Variants in CSF1 observed in about 807,000 individuals in gnomAD.
CSF1 encodes colony stimulating factor 1.
In CSF1, 9 loss-of-function variants were observed where a neutral mutation model predicts 48.9. That is an observed-to-expected ratio of 0.18 (90% CI 0.11 to 0.32). The LOEUF (loss-of-function observed/expected upper bound fraction) is 0.32, where lower values mean the gene tolerates loss of function less well. Among genes scored for constraint, CSF1 ranks in the 10% least tolerant of loss-of-function variants. The pLI, the probability that CSF1 is intolerant of heterozygous loss-of-function variation, is 1.00. For missense variants in CSF1, 672 were observed against 697.9 expected, an observed-to-expected ratio of 0.96 and a Z score of 0.42; for synonymous variants, 305 against 284.1, an observed-to-expected ratio of 1.07 and a Z score of -0.74.
rs1648000732 is a variant in CSF1, at chr1:109,929,960, G to GT, written c.*1122_*1123insT. 1 of 152,590 alleles carries GT rather than the reference G, an allele frequency of 6.6e-6. No individual in the cohort carries two copies. Among genetic ancestry groups the GT allele is most frequent in the African/African-American group, 2.4e-5 (1 of 41,442 alleles). The allele number at this position is 152,590 out of a possible 1,614,324, so 9.5% of individuals were successfully genotyped here. ...AGTGGGAGAGAGCAAGGGAGGGGAG[G>GT]GCACAGACAGAGAGGCTACAGGGCG... On this transcript the variant is annotated 3_prime_UTR_variant, in exon 9 of 9. Transcript: ENST00000329608.
At chr1:109,918,381 A>G (rs1647349681) in intron 4 of CSF1, among the ~76,000 whole-genome samples, 1 of 152,204 alleles carries the variant, frequency 6.6e-6, no homozygotes, top group South Asian at 2.1e-4. Flanking sequence ...GTGAACAGGC[A>G]TGTGGCTTAA....
rs1647635878 is a variant in CSF1, at chr1:109,923,053, G to A, written c.545-113G>A. On this transcript the variant is annotated intron_variant, in intron 5 of 8. Transcript: ENST00000329608. ...CCCCAGGGCTGAGCTAGGAGATGAGGGCCCCCCAGACTCACATTCCCCTCT... is the reference window on the plus strand; with the variant it reads ...CCCCAGGGCTGAGCTAGGAGATGAGAGCCCCCCAGACTCACATTCCCCTCT... The A allele has an allele frequency of 6.7e-6, 7 of 1,041,012 alleles. 1 individual carries two copies. In the South Asian group the frequency reaches 1.1e-4, roughly 16 times the overall value. 64.5% of individuals were successfully genotyped at this position (1,041,012 alleles called of 1,614,324 possible).
At chr1:109,919,080 G>T (rs902618358) in intron 4 of CSF1, among the ~76,000 whole-genome samples, 1 of 152,170 alleles carries the variant, frequency 6.6e-6, no homozygotes, top group Non-Finnish European at 1.5e-5. Context: ...GGCTAAAATT[G>T]TCCATTGGAT....
intron 1 of CSF1, among the ~76,000 whole-genome samples, chr1:109,912,584 C>G (rs545313089): frequency 6.6e-6 from 1 of 152,302 alleles, no homozygotes; most frequent in South Asian, 2.1e-4. Context: ...GCTGCACTTT[C>G]CCCACACTGA....
In CSF1 at chr1:109,915,047, G is replaced by A. The variant is rs1053057020; in HGVS notation, c.163-587G>A. On this transcript the variant is annotated intron_variant, in intron 2 of 8. Transcript: ENST00000329608. ...CCTCTGGCCAGCCAGGCAGGGTGGG[G>A]CATCACTGGCTAACGCCAGCTCCAG... 2.0e-5 allele frequency among the ~76,000 whole-genome samples: 3 copies of A among 152,158 alleles called. No individual in the cohort carries two copies. The South Asian group carries it at 6.2e-4, about 31-fold the overall frequency.
At chr1:109,910,595 T>C (rs1243600608), upstream of CSF1, 6 of 266,572 alleles carry the variant, frequency 2.3e-5, no homozygotes, top group Non-Finnish European at 4.8e-5. Context: ...CCGCGCTCGT[T>C]TGCTGAAGGC....
intron 2 of CSF1, among the ~76,000 whole-genome samples, chr1:109,915,139 A>G (rs1159784995): frequency 3.9e-5 from 6 of 152,248 alleles, no homozygotes; most frequent in Admixed American, 1.3e-4. Context: ...CTTCTCCTGT[A>G]TGTAGTTGCT....
At chr1:109,911,187 C>T (rs759260487) in intron 1 of CSF1, 125 bp downstream of exon 1, 33 of 568,922 alleles carry the variant, frequency 5.8e-5, no homozygotes, top group Non-Finnish European at 7.4e-5. Context: ...CCGGCGTTCC[C>T]GCCGCGGACG....
chr1:109,913,239 G>T (rs1654766474), intron 1 of CSF1, among the ~76,000 whole-genome samples: 1 of 152,244 alleles, frequency 6.6e-6, no homozygotes, highest in Non-Finnish European at 1.5e-5. Context: ...GTCCAGGATA[G>T]TGTCAACCTT....
chr1:109,924,144 T>A lies in CSF1; in HGVS notation c.1523T>A (p.Val508Asp). The A allele has an allele frequency of 6.2e-7, 1 of 1,613,776 alleles. No individual in the cohort carries two copies. The highest frequency in any genetic ancestry group is 8.5e-7 in the Non-Finnish European group (1 of 1,179,870). ...FHLLVPSVIL[V>D]LLAVGGLLFY... ...CTGCTGGTGCCCAGTGTCATCCTGGTCTTGCTGGCCGTCGGAGGCCTCTTG... is the reference window on the plus strand; with the variant it reads ...CTGCTGGTGCCCAGTGTCATCCTGGACTTGCTGGCCGTCGGAGGCCTCTTG... The change falls in exon 6 of 9, where the codon GTC becomes GAC. Residue 508 changes from valine (V) to aspartate (D), a missense_variant. Val to Asp is a radical substitution (Grantham distance 152). Transcript: ENST00000329608.
chr1:109,925,305 A>G, intron 8 of CSF1, 103 bp downstream of exon 8: 1 of 919,180 alleles, frequency 1.1e-6, no homozygotes, highest in East Asian at 2.5e-5. Context: ...CCCCACACTG[A>G]CTCCCATGCC....
At position 109,924,100 on chromosome 1, in the gene CSF1, C is replaced by T; in HGVS notation, c.1479C>T (p.Leu493=). The T allele has an allele frequency of 6.2e-7, 1 of 1,614,204 alleles. No individual in the cohort carries two copies. The highest frequency in any genetic ancestry group is 1.6e-4 in the Middle Eastern group (1 of 6,062). The part of the protein sequence containing the change: ...RQSEGSFSPQ[L]QESVFHLLVP... Reference sequence around the variant, plus strand: ...CCGAGGGATCCTTCAGCCCGCAGCTCCAGGAGTCTGTCTTCCACCTGCTGG... The same window carrying T: ...CCGAGGGATCCTTCAGCCCGCAGCTTCAGGAGTCTGTCTTCCACCTGCTGG... The change falls in exon 6 of 9, where the codon CTC becomes CTT. Residue 493 remains leucine, a synonymous_variant. Transcript: ENST00000329608.
chr1:109,919,740 C>G (rs1353631108), intron 4 of CSF1, among the ~76,000 whole-genome samples: 1 of 150,554 alleles, frequency 6.6e-6, no homozygotes, highest in African/African-American at 2.4e-5. Flanking sequence ...CAGTGGATCA[C>G]CTGAGGTCAG....
intron 5 of CSF1, 79 bp from the exon 6 acceptor site, chr1:109,923,087 T>C: frequency 7.2e-7 from 1 of 1,393,018 alleles, no homozygotes; most frequent in Non-Finnish European, 9.7e-7. Context: ...CTTGCCCCGC[T>C]CTGGGAAAGC....
At chr1:109,922,193 A>C in intron 5 of CSF1, 199 bp downstream of exon 5, 1 of 457,174 alleles carries the variant, frequency 2.2e-6, no homozygotes, top group African/African-American at 2.0e-5. Context: ...CTTTTCTGAC[A>C]TGTGTGTGCA....
chr1:109,927,580 T>C (rs1647898445), intron 8 of CSF1, among the ~76,000 whole-genome samples: 1 of 152,142 alleles, frequency 6.6e-6, no homozygotes, highest in Non-Finnish European at 1.5e-5. Flanking sequence ...ACTTGCTTAT[T>C]CTCAGGCCCG....
chr1:109,917,179 TG>T, intron 3 of CSF1, 113 bp from the exon 4 acceptor site: 1 of 1,085,000 alleles, frequency 9.2e-7, no homozygotes, highest in Non-Finnish European at 1.3e-6. Flanking sequence ...TGGCATGGTG[TG>T]GTCCCTCCCC....
At chr1:109,925,410 A>C (rs1570802992) in intron 8 of CSF1, among the ~76,000 whole-genome samples, 6 of 147,640 alleles carry the variant, frequency 4.1e-5, no homozygotes, top group Admixed American at 6.7e-5. Context: ...CATTCCATCC[A>C]CCCCCGCTGA....
Position 109,923,622 on chromosome 1 carries a change from A to T in CSF1, c.1001A>T (p.Gln334Leu). ...TCCAGGCCAGGAGGGGGCAGCATGC[A>T]GACAGAGCCCGCCAGACCCAGCAAC... ...SPSRPGGGSMQTEPARPSNFL... is the reference protein window; with the variant it reads ...SPSRPGGGSMLTEPARPSNFL... Residue 334 changes from glutamine to leucine, a missense_variant, in exon 6 of 9, where the codon CAG (glutamine) becomes CTG (leucine). By Grantham distance (113) the Gln-to-Leu change is moderately radical. Around this residue, in one of 3 missense-constraint regions of CSF1, gnomAD observed 591 missense variants for 593.6 expected, o/e 1.00. Coordinates refer to ENST00000329608, the MANE Select transcript of CSF1 (RefSeq NM_000757.6). 6.2e-7 allele frequency: 1 copy of T among 1,614,088 alleles called. No homozygotes were observed. Among genetic ancestry groups the T allele is most frequent in the Non-Finnish European group, 8.5e-7 (1 of 1,179,972 alleles).
Sources: allele counts gnomAD v4.1 joint callset (sites outside exome capture counted in the v4.1 genomes callset), GRCh38; gene constraint gnomAD v4.1.1; regional missense constraint gnomAD v4.1.1; transcripts MANE v1.5; gene names NCBI Gene and HGNC (gene_info 2026-07-23, HGNC 2026-07-21).